The following P4HA1 variants were observed in gnomAD, a reference collection of about 807,000 sequenced individuals.
P4HA1 encodes prolyl 4-hydroxylase subunit alpha 1, also known as prolyl 4-hydroxylase subunit alpha-1.
In P4HA1, 24 loss-of-function variants were observed where a neutral mutation model predicts 72.8. The observed-to-expected ratio is 0.33, with a 90% confidence interval of 0.24 to 0.46. The LOEUF (loss-of-function observed/expected upper bound fraction) is 0.46. Ranked by LOEUF, P4HA1 falls within the 20% of genes least tolerant of loss-of-function variation. The pLI, the probability that P4HA1 is intolerant of heterozygous loss-of-function variation, is 1.00. For synonymous variants in P4HA1, 201 were observed against 218.8 expected (o/e 0.92, Z 0.72); for missense variants, 446 against 640.6 (o/e 0.70, Z 3.28).
chr10:73,071,983 C>T, intron 4 of P4HA1, 46 bp downstream of exon 4: 7 of 1,419,650 alleles, frequency 4.9e-6, no homozygotes, highest in Non-Finnish European at 6.8e-6. Context: ...ATTATTTCTA[C>T]ATATGGTGGC....
intron 1 of P4HA1, among the ~76,000 whole-genome samples, chr10:73,094,676 T>G (rs375327734): frequency 3.9e-5 from 6 of 152,334 alleles, no homozygotes; most frequent in African/African-American, 4.8e-5. Context: ...AAATGCCGTT[T>G]GAACTTAATT....
Position 73,091,142 on chromosome 10 carries a change from CTA to C in P4HA1, c.-33+5622_-33+5623del, listed in dbSNP as rs563819298. On this transcript the variant is annotated intron_variant, in intron 1 of 14. Transcript: ENST00000394890. ...GAGAATGTCTTCATGTAACCTTTGA[CTA>C]TGAATATGTTGCCTGAGTTTACCAA... Among the ~76,000 whole-genome samples the C allele has an allele frequency of 1.5e-4, 22 of 147,700 alleles. No homozygotes were observed. In the South Asian group the frequency reaches 4.7e-3, roughly 31 times the overall value.
intron 10 of P4HA1, among the ~76,000 whole-genome samples, chr10:73,019,881 A>G (rs1840095554): frequency 6.6e-6 from 1 of 152,078 alleles, no homozygotes; most frequent in South Asian, 2.1e-4. Flanking sequence ...ACAATAATGA[A>G]AAAGGATAAA....
At chr10:73,058,054 C>T (rs1841195187) in intron 5 of P4HA1, among the ~76,000 whole-genome samples, 1 of 130,122 alleles carries the variant, frequency 7.7e-6, no homozygotes, top group Non-Finnish European at 1.6e-5. Flanking sequence ...TGCACCACTG[C>T]ACTCCAGTCT....
At chr10:73,072,816 C>T (rs2133133380) in intron 3 of P4HA1, among the ~76,000 whole-genome samples, 1 of 152,244 alleles carries the variant, frequency 6.6e-6, no homozygotes, top group South Asian at 2.1e-4. Context: ...AAAATTGCTG[C>T]AGCAGGTGGC....
At chr10:73,095,566 T>C (rs2133179844) in intron 1 of P4HA1, among the ~76,000 whole-genome samples, 1 of 148,534 alleles carries the variant, frequency 6.7e-6, no homozygotes, top group Middle Eastern at 3.6e-3. Flanking sequence ...GAAAGAACGC[T>C]GCTGCCACGT....
intron 10 of P4HA1, among the ~76,000 whole-genome samples, chr10:73,029,708 A>G (rs1840389826): frequency 6.6e-6 from 1 of 151,890 alleles, no homozygotes; most frequent in Non-Finnish European, 1.5e-5. Context: ...TATTCCCTAT[A>G]ACTAACATTC....
At chr10:73,048,054 A>AAAAAC (rs372853907) in intron 7 of P4HA1, among the ~76,000 whole-genome samples, 8 of 152,274 alleles carry the variant, frequency 5.3e-5, no homozygotes, top group Non-Finnish European at 8.8e-5. Context: ...GCTGTCTCAA[A>AAAAAC]AAAACAAAAC....
chr10:73,053,155 T>C (rs538318651), intron 6 of P4HA1, among the ~76,000 whole-genome samples, 196 bp downstream of exon 6: 226 of 152,308 alleles, frequency 1.5e-3, no homozygotes, highest in Middle Eastern at 3.4e-3. Context: ...ACCACTGTTA[T>C]AGCACTATTA....
chr10:73,069,503 T>C (rs969371772), intron 4 of P4HA1, among the ~76,000 whole-genome samples: 21 of 152,164 alleles, frequency 1.4e-4, no homozygotes, highest in Admixed American at 2.0e-4. Context: ...AGATATTAAC[T>C]ATATATTTAA....
chr10:73,052,821 C>G (rs1304236578), intron 6 of P4HA1, among the ~76,000 whole-genome samples: 1 of 152,196 alleles, frequency 6.6e-6, no homozygotes, highest in African/African-American at 2.4e-5. Context: ...GGGTAGAGAT[C>G]AAGAAATTTT....
intron 1 of P4HA1, among the ~76,000 whole-genome samples, chr10:73,095,491 A>C (rs1589638572): frequency 6.6e-6 from 1 of 151,794 alleles, no homozygotes. Flanking sequence ...GTCTAAACCT[A>C]AAAGGGGAAA....
At chr10:73,014,402 C>T in intron 11 of P4HA1, 113 bp from the exon 12 acceptor site, 1 of 763,768 alleles carries the variant, frequency 1.3e-6, no homozygotes, top group Admixed American at 2.2e-5. Flanking sequence ...ACAACAACCG[C>T]AAAAGTTTCC....
At chr10:73,079,734 C>T (rs907614507) in intron 1 of P4HA1, among the ~76,000 whole-genome samples, 3 of 152,006 alleles carry the variant, frequency 2.0e-5, no homozygotes, top group Non-Finnish European at 4.4e-5. Context: ...AAGAGTGAGA[C>T]TTTGTCTCAA....
At chr10:73,096,379 C>G (rs1278625535) in intron 1 of P4HA1, among the ~76,000 whole-genome samples, 1 of 152,214 alleles carries the variant, frequency 6.6e-6, no homozygotes, top group African/African-American at 2.4e-5. Context: ...CGCTTGCGTT[C>G]CCCTTAGCCT....
intron 1 of P4HA1, among the ~76,000 whole-genome samples, chr10:73,091,676 G>A (rs932824974): frequency 1.3e-5 from 2 of 151,948 alleles, no homozygotes; most frequent in Non-Finnish European, 2.9e-5. Flanking sequence ...GATAGTTCTC[G>A]GCTATTCATT....
At chr10:73,079,281 C>T (rs1350731753) in intron 1 of P4HA1, among the ~76,000 whole-genome samples, 1 of 151,908 alleles carries the variant, frequency 6.6e-6, no homozygotes, top group African/African-American at 2.4e-5. Context: ...CACAAGGAGA[C>T]CCCAACTCTA....
At chr10:73,064,745 G>C (rs1685090325) in intron 5 of P4HA1, among the ~76,000 whole-genome samples, 1 of 151,236 alleles carries the variant, frequency 6.6e-6, no homozygotes, top group Non-Finnish European at 1.5e-5. Flanking sequence ...GGAGGCTGAG[G>C]CAAGAGAATC....
chr10:73,045,896 T>C (rs767880182), intron 8 of P4HA1, among the ~76,000 whole-genome samples: 38 of 150,428 alleles, frequency 2.5e-4, no homozygotes, highest in Non-Finnish European at 5.0e-4. Flanking sequence ...AACCACCAAT[T>C]TGGAGAAGCA....
Sources: gnomAD v4.1 joint callset for allele counts (sites outside exome capture counted in the v4.1 genomes callset) on GRCh38, gnomAD v4.1.1 for gene constraint, MANE v1.5 for transcripts, NCBI Gene and HGNC (gene_info 2026-07-23, HGNC 2026-07-21) for gene names.